The following RBFOX1 variants were observed in gnomAD, a reference collection of about 807,000 sequenced individuals.
RBFOX1 encodes RNA binding fox-1 homolog 1, also known as RNA binding protein fox-1 homolog 1.
RBFOX1 carries 8 observed loss-of-function variants against 57.7 expected under a neutral mutation model. That is an observed-to-expected ratio of 0.14 (90% confidence interval 0.08 to 0.25). RBFOX1 has a LOEUF of 0.25. RBFOX1 is among the 10% of genes least tolerant of loss of function. RBFOX1 has a pLI of 1.00. For synonymous variants in RBFOX1, 326 were observed against 222.4 expected, an observed-to-expected ratio of 1.47 and a Z score of -4.15; for missense variants, 611 against 548.5, an observed-to-expected ratio of 1.11 and a Z score of -1.14.
At chr16:5,749,392 C>T (rs1468480186) in intron 3 of RBFOX1, among the ~76,000 whole-genome samples, 1 of 152,076 alleles carries the variant, frequency 6.6e-6, no homozygotes, top group Non-Finnish European at 1.5e-5. Context: ...CTCTGTATTT[C>T]CTGAATTTGA....
intron 4 of RBFOX1, among the ~76,000 whole-genome samples, chr16:7,242,257 T>A (rs2094105300): frequency 6.6e-6 from 1 of 152,138 alleles, no homozygotes. Context: ...CACTGAAAAT[T>A]CAGAGACAGG....
At chr16:5,244,740 G>A (rs543000066) in intron 1 of RBFOX1, among the ~76,000 whole-genome samples, 3 of 152,330 alleles carry the variant, frequency 2.0e-5, no homozygotes, top group South Asian at 2.1e-4. Context: ...GGAAGTTCTC[G>A]CATCCCCCTT....
At chr16:6,241,778 A>T (rs1326393120) in intron 1 of RBFOX1, among the ~76,000 whole-genome samples, 1 of 152,248 alleles carries the variant, frequency 6.6e-6, no homozygotes, top group Non-Finnish European at 1.5e-5. Context: ...TTTCAATCAC[A>T]GTGGGTAGTT....
At chr16:5,860,610 T>C (rs2057188600) in intron 3 of RBFOX1, among the ~76,000 whole-genome samples, 2 of 152,290 alleles carry the variant, frequency 1.3e-5, no homozygotes, top group African/African-American at 4.8e-5. Flanking sequence ...AGATAAGCTA[T>C]GCATGATAAG....
intron 4 of RBFOX1, among the ~76,000 whole-genome samples, chr16:7,228,085 A>G (rs1488495964): frequency 2.0e-5 from 3 of 152,058 alleles, no homozygotes; most frequent in African/African-American, 7.2e-5. Flanking sequence ...CTGTGGGTGA[A>G]TTTTCCTGGT....
At chr16:5,861,585 C>G (rs925897399) in intron 3 of RBFOX1, among the ~76,000 whole-genome samples, 1 of 152,178 alleles carries the variant, frequency 6.6e-6, no homozygotes, top group African/African-American at 2.4e-5. Flanking sequence ...GCATTTGGTT[C>G]TATTTGCAAC....
chr16:7,626,162 C>A lies in RBFOX1; in HGVS notation c.677-4441C>A, dbSNP rs1289999259. Among the ~76,000 whole-genome samples the A allele has an allele frequency of 2.6e-5, 4 of 152,334 alleles. No individual in the cohort carries two copies. In the East Asian group the frequency reaches 7.7e-4, roughly 29 times the overall value. On this transcript the variant is annotated intron_variant, in intron 10 of 15. Coordinates refer to ENST00000550418, the MANE Select transcript of RBFOX1 (RefSeq NM_018723.4). ...GCAAAGGCATGGAGGTGTGAAACTG[C>A]ACTGCTGTTCCGGTTTGAGTCCAGT...
At chr16:5,624,371 T>C (rs1309723742) in intron 3 of RBFOX1, among the ~76,000 whole-genome samples, 1 of 152,180 alleles carries the variant, frequency 6.6e-6, no homozygotes, top group Admixed American at 6.5e-5. Flanking sequence ...ATTTTTTTTC[T>C]TATTTTTAGT....
intron 2 of RBFOX1, among the ~76,000 whole-genome samples, chr16:6,650,823 C>T (rs2098583880): frequency 6.6e-6 from 1 of 152,182 alleles, no homozygotes; most frequent in African/African-American, 2.4e-5. Flanking sequence ...GAAAACCCCA[C>T]TGCCTCTTGG....
intron 2 of RBFOX1, among the ~76,000 whole-genome samples, chr16:6,621,478 A>G (rs915983374): frequency 7.9e-5 from 12 of 151,840 alleles, no homozygotes; most frequent in African/African-American, 2.9e-4. Context: ...CAAACAAACA[A>G]CAACAACAAC....
chr16:7,189,989 A>C (rs750201386), intron 4 of RBFOX1, among the ~76,000 whole-genome samples: 1 of 152,232 alleles, frequency 6.6e-6, no homozygotes, highest in African/African-American at 2.4e-5. Flanking sequence ...GCAATGACAA[A>C]ATCCCAAGAC....
chr16:6,258,185 G>T (rs74005048), intron 1 of RBFOX1, among the ~76,000 whole-genome samples: 3 of 152,116 alleles, frequency 2.0e-5, no homozygotes, highest in Middle Eastern at 3.2e-3. Flanking sequence ...GGTTTACTCA[G>T]TTCTTCACTG....
intron 2 of RBFOX1, among the ~76,000 whole-genome samples, chr16:6,555,724 A>T (rs1056601080): frequency 4.6e-5 from 7 of 152,042 alleles, no homozygotes; most frequent in African/African-American, 1.7e-4. Context: ...CAAAACAAAC[A>T]AACAAAAAAG....
intron 4 of RBFOX1, among the ~76,000 whole-genome samples, chr16:7,088,526 C>A (rs776052144): frequency 4.8e-5 from 6 of 124,594 alleles, no homozygotes; most frequent in Non-Finnish European, 6.9e-5. Context: ...GATAAATACT[C>A]TGTAGTTGTT....
intron 1 of RBFOX1, among the ~76,000 whole-genome samples, chr16:6,070,334 G>A (rs1015152199): frequency 7.2e-5 from 11 of 152,146 alleles, no homozygotes; most frequent in Non-Finnish European, 1.5e-4. Context: ...AGCTCTTAGC[G>A]TTGAGCATTT....
intron 1 of RBFOX1, among the ~76,000 whole-genome samples, chr16:6,098,648 C>T (rs962732177): frequency 6.6e-6 from 1 of 152,204 alleles, no homozygotes; most frequent in Non-Finnish European, 1.5e-5. Flanking sequence ...TCTCTGCATG[C>T]CTTCAGAGTT....
At chr16:7,005,393 C>G (rs1420709775) in intron 3 of RBFOX1, among the ~76,000 whole-genome samples, 1 of 152,038 alleles carries the variant, frequency 6.6e-6, no homozygotes, top group African/African-American at 2.4e-5. Context: ...AGGAAACATC[C>G]CAATACAGTC....
chr16:7,348,588 T>C (rs1314822592), intron 4 of RBFOX1, among the ~76,000 whole-genome samples: 3 of 152,094 alleles, frequency 2.0e-5, no homozygotes, highest in African/African-American at 4.8e-5. Flanking sequence ...CTTTAGTCAG[T>C]TGGGAAAAGA....
intron 3 of RBFOX1, among the ~76,000 whole-genome samples, chr16:6,709,872 G>T (rs919561027): frequency 6.6e-6 from 1 of 152,190 alleles, no homozygotes; most frequent in African/African-American, 2.4e-5. Context: ...GGAGGCTGGA[G>T]AGGGAACGGC....
Sources: allele counts gnomAD v4.1 joint callset (sites outside exome capture counted in the v4.1 genomes callset), GRCh38; gene constraint gnomAD v4.1.1; transcripts MANE v1.5; gene names NCBI Gene and HGNC (gene_info 2026-07-23, HGNC 2026-07-21).